MPPED1: variants seen among roughly 807,000 people sequenced by gnomAD.
The protein encoded by MPPED1 is metallophosphoesterase domain containing 1, also known as metallophosphoesterase domain-containing protein 1.
In MPPED1, 16 loss-of-function variants were observed where a neutral mutation model predicts 36.2. The ratio of observed to expected loss-of-function variants is 0.44; its 90% CI spans 0.30 to 0.67. MPPED1 has a LOEUF of 0.67. Ranked by LOEUF, MPPED1 falls within the 30% of genes least tolerant of loss-of-function variation. The pLI is 0.10. For missense variants in MPPED1, 307 were observed against 453.4 expected (o/e 0.68, Z 2.93); for synonymous variants, 199 against 191.3 (o/e 1.04, Z -0.33).
chr22:43,422,061 C>T (rs1929293010), intron 1 of MPPED1, among the ~76,000 whole-genome samples: 1 of 152,206 alleles, frequency 6.6e-6, no homozygotes, highest in Non-Finnish European at 1.5e-5. Flanking sequence ...CCTCAGGGGA[C>T]ATCCGGGCTC....
chr22:43,495,999 TGG>T (rs1932320086), intron 4 of MPPED1, among the ~76,000 whole-genome samples: 1 of 106,772 alleles, frequency 9.4e-6, no homozygotes. Flanking sequence ...GTGGTGGTGG[TGG>T]AGATGGTGGT....
In MPPED1 at chr22:43,460,913, T is replaced by C. The variant is rs149795598; in HGVS notation, c.407-13823T>C. Among the ~76,000 whole-genome samples, 3 of 152,312 alleles carry C rather than the reference T, an allele frequency of 2.0e-5. No homozygotes were observed. The East Asian group carries it at 5.8e-4, about 29-fold the overall frequency. ...TCCTGTGGATGCCTCATTCTCCAGA[T>C]TTTCATTTTAAGTTTCTTGGTTGGC... On this transcript the variant is annotated intron_variant, in intron 3 of 6. Coordinates refer to ENST00000443721, the MANE Select transcript of MPPED1 (RefSeq NM_001044370.2).
At chr22:43,471,453 C>G (rs1273390693) in intron 3 of MPPED1, among the ~76,000 whole-genome samples, 1 of 152,188 alleles carries the variant, frequency 6.6e-6, no homozygotes, top group Non-Finnish European at 1.5e-5. Context: ...GACCAGCGTC[C>G]CCCTCCACAG....
At chr22:43,432,111 A>G (rs1037754070) in intron 2 of MPPED1, among the ~76,000 whole-genome samples, 6 of 151,984 alleles carry the variant, frequency 3.9e-5, no homozygotes, top group African/African-American at 1.2e-4. Context: ...CGGGGGTGGC[A>G]TTGTGCTCCC....
intron 4 of MPPED1, among the ~76,000 whole-genome samples, chr22:43,493,520 G>A (rs907819965): frequency 3.3e-5 from 5 of 152,202 alleles, no homozygotes; most frequent in Non-Finnish European, 4.4e-5. Flanking sequence ...ATGTGGTGGC[G>A]GGAGAGTGGT....
Position 43,498,344 on chromosome 22 carries a change from C to T in MPPED1, c.742C>T (p.Pro248Ser). ...GVDILITHGP[P>S]LGFLDWVPKK... ...AGACATCCTGATAACCCATGGACCA[C>T]CACTGGGTAAGGCTCTGCTGGCCTG... Residue 248 changes from proline (P) to serine (S), a missense_variant, in exon 5 of 7, where the codon CCA becomes TCA. Physicochemically the swap from Pro to Ser is moderately conservative, Grantham distance 74. Around this residue, in one of 3 missense-constraint regions of MPPED1, gnomAD observed 132 missense variants for 212.3 expected, o/e 0.62. Transcript: ENST00000443721. 6.5e-7 allele frequency: 1 copy of T among 1,533,232 alleles called. No individual in the cohort carries two copies. Among genetic ancestry groups the T allele is most frequent in the Non-Finnish European group, 8.7e-7 (1 of 1,144,808 alleles). The allele number at this position is 1,533,232 out of a possible 1,614,324, so 95.0% of individuals were successfully genotyped here. A position where few individuals can be genotyped will look rare whatever the true frequency, so the allele number is the denominator to read the frequency against.
intron 1 of MPPED1, among the ~76,000 whole-genome samples, chr22:43,423,327 C>T (rs1299711877): frequency 6.6e-6 from 1 of 152,178 alleles, no homozygotes; most frequent in African/African-American, 2.4e-5. Context: ...TTCTGGGTGC[C>T]GGGCAGCAGT....
Position 43,424,939 on chromosome 22 carries a change from G to A in MPPED1, c.-47G>A, listed in dbSNP as rs1929407825. ...TCCAGGTCTGGCGGGGGGCCGGGCT[G>A]CGGTGGCGGCAGCGGTGGGAGATGC... On this transcript the variant is annotated 5_prime_UTR_variant, in exon 2 of 7. Coordinates refer to ENST00000443721, the MANE Select transcript of MPPED1 (RefSeq NM_001044370.2). 6.5e-7 allele frequency: 1 copy of A among 1,543,766 alleles called. No homozygotes were observed. Among genetic ancestry groups the A allele is most frequent in the Non-Finnish European group, 8.7e-7 (1 of 1,146,496 alleles).
At chr22:43,484,233 C>T (rs1421452486) in intron 4 of MPPED1, among the ~76,000 whole-genome samples, 1 of 152,258 alleles carries the variant, frequency 6.6e-6, no homozygotes, top group East Asian at 1.9e-4. Context: ...ATTCGGCCGA[C>T]TGCCCCGTGT....
chr22:43,495,557 GTGGTGGTGGAGGTGA>G (rs1569088797), intron 4 of MPPED1, among the ~76,000 whole-genome samples: 4 of 123,456 alleles, frequency 3.2e-5, no homozygotes, highest in African/African-American at 2.8e-5. Flanking sequence ...GGTGGAGATG[GTGGTGGTGGAGGTGA>G]TGGTGGAGGT....
intron 1 of MPPED1, chr22:43,416,894 C>A: frequency 1.4e-6 from 1 of 733,818 alleles, no homozygotes; most frequent in Non-Finnish European, 1.7e-6. Context: ...GGGGCTCGTT[C>A]TGTGCAATGG....
At chr22:43,440,393 G>A (rs1220901582) in intron 3 of MPPED1, among the ~76,000 whole-genome samples, 2 of 152,158 alleles carry the variant, frequency 1.3e-5, no homozygotes, top group Non-Finnish European at 2.9e-5. Flanking sequence ...CTAGCATGCA[G>A]GCCCCCCTGG....
chr22:43,463,815 C>CTTTCTTTCTTTT (rs1931047167), intron 3 of MPPED1, among the ~76,000 whole-genome samples: 6 of 47,984 alleles, frequency 1.3e-4, no homozygotes, highest in South Asian at 6.4e-4. Context: ...TCTTTTCTTT[C>CTTTCTTTCTTTT]TTTCTTTCTT....
At chr22:43,475,320 C>T (rs914726843) in intron 4 of MPPED1, among the ~76,000 whole-genome samples, 3 of 151,988 alleles carry the variant, frequency 2.0e-5, no homozygotes, top group African/African-American at 7.3e-5. Context: ...TGGGATTAAA[C>T]CCAAGCAATT....
At chr22:43,457,974 C>G (rs568904556) in intron 3 of MPPED1, among the ~76,000 whole-genome samples, 72 of 152,286 alleles carry the variant, frequency 4.7e-4, no homozygotes, top group Middle Eastern at 3.4e-3. Context: ...ATTTTACTTA[C>G]TTTTCTATGT....
At chr22:43,424,707 C>T (rs1046402721) in intron 1 of MPPED1, among the ~76,000 whole-genome samples, 1 of 151,990 alleles carries the variant, frequency 6.6e-6, no homozygotes, top group African/African-American at 2.4e-5. Flanking sequence ...TGTCCCCTCC[C>T]TCCCTTCCCT....
chr22:43,424,176 A>C (rs1929373532), intron 1 of MPPED1, among the ~76,000 whole-genome samples: 1 of 152,158 alleles, frequency 6.6e-6, no homozygotes, highest in Non-Finnish European at 1.5e-5. Context: ...GGGGCACATT[A>C]GGGTTCCCGA....
At chr22:43,492,064 G>A (rs1366621838) in intron 4 of MPPED1, among the ~76,000 whole-genome samples, 1 of 151,686 alleles carries the variant, frequency 6.6e-6, no homozygotes, top group Non-Finnish European at 1.5e-5. Context: ...GTGGTGCTGG[G>A]GGTGATTATA....
At chr22:43,473,270 C>T (rs2146883153) in intron 3 of MPPED1, among the ~76,000 whole-genome samples, 1 of 152,292 alleles carries the variant, frequency 6.6e-6, no homozygotes, top group African/African-American at 2.4e-5. Flanking sequence ...GTCAGGGGCT[C>T]ATTGGAGCCT....
Sources: allele counts gnomAD v4.1 joint callset (sites outside exome capture counted in the v4.1 genomes callset), GRCh38; gene constraint gnomAD v4.1.1; regional missense constraint gnomAD v4.1.1; transcripts MANE v1.5; gene names NCBI Gene and HGNC (gene_info 2026-07-23, HGNC 2026-07-21).